BABAM2: variants seen among roughly 807,000 people sequenced by gnomAD.
BABAM2 encodes the protein BRISC and BRCA1-A complex member 2.
In BABAM2, 31 loss-of-function variants were observed where a neutral mutation model predicts 54.7. The ratio of observed to expected loss-of-function variants is 0.57; its 90% CI spans 0.43 to 0.77. The LOEUF (loss-of-function observed/expected upper bound fraction) is 0.77. Among genes scored for constraint, BABAM2 ranks in the 30% least tolerant of loss-of-function variants. BABAM2 has a pLI of 0.00. For missense variants in BABAM2, 364 were observed against 455.8 expected (o/e 0.80, Z 1.83); for synonymous variants, 167 against 162.9 (o/e 1.03, Z -0.19).
At chr2:28,036,453 C>T (rs1380280759) in intron 5 of BABAM2, among the ~76,000 whole-genome samples, 1 of 152,150 alleles carries the variant, frequency 6.6e-6, no homozygotes, top group Non-Finnish European at 1.5e-5. Context: ...ATCAGGGAGG[C>T]TTAACCTAAG....
intron 6 of BABAM2, among the ~76,000 whole-genome samples, chr2:28,067,243 G>A (rs550282314): frequency 2.0e-5 from 3 of 152,158 alleles, no homozygotes; most frequent in Admixed American, 6.5e-5. Flanking sequence ...TTGTGGACAT[G>A]TTTTAAAACC....
Position 28,322,479 on chromosome 2 carries a change from C to T in BABAM2, c.1089-15971C>T, listed in dbSNP as rs563886328. Among the ~76,000 whole-genome samples, 7 of 152,354 alleles carry T rather than the reference C, an allele frequency of 4.6e-5. No homozygotes were observed. Among genetic ancestry groups the T allele is most frequent in the African/African-American group, 7.2e-5 (3 of 41,590 alleles). On this transcript the variant is annotated intron_variant, in intron 11 of 11. Coordinates refer to ENST00000379624, the MANE Select transcript of BABAM2 (RefSeq NM_199191.3). The surrounding 1 kb of genome is among the most constrained non-coding windows in gnomAD (Gnocchi z 4.1). ...CTCTTAGAGGCGCCTTTGAGCAACG[C>T]GCTCTCAAGGTGTTCCAGCAGGGTG...
intron 7 of BABAM2, among the ~76,000 whole-genome samples, chr2:28,146,788 C>A (rs1159130919): frequency 6.6e-6 from 1 of 152,088 alleles, no homozygotes; most frequent in African/African-American, 2.4e-5. Context: ...ATTTTAATCT[C>A]TAGAACTCTC....
chr2:28,239,741 C>T (rs914867986), intron 8 of BABAM2, among the ~76,000 whole-genome samples: 1 of 152,156 alleles, frequency 6.6e-6, no homozygotes, highest in Admixed American at 6.5e-5. Context: ...ATTCAAAAAT[C>T]ATCATTTTGC....
chr2:28,306,994 C>CGTTTTTTTTTTTTTTT (rs1558517386), intron 11 of BABAM2, among the ~76,000 whole-genome samples: 1 of 73,100 alleles, frequency 1.4e-5, no homozygotes. Flanking sequence ...CCACACCTGG[C>CGTTTTTTTTTTTTTTT]CTTTTTTTTT....
intron 7 of BABAM2, among the ~76,000 whole-genome samples, chr2:28,167,654 A>G (rs1016559406): frequency 1.3e-5 from 2 of 151,692 alleles, no homozygotes; most frequent in African/African-American, 4.8e-5. Flanking sequence ...AGATCACGCC[A>G]CTACACTCCA....
chr2:28,098,473 CTT>C (rs1440367567), intron 6 of BABAM2, among the ~76,000 whole-genome samples: 5 of 152,186 alleles, frequency 3.3e-5, no homozygotes, highest in African/African-American at 1.2e-4. Flanking sequence ...AACTTTATAA[CTT>C]GATGATATAG....
At chr2:28,257,298 C>A (rs997847823) in intron 10 of BABAM2, among the ~76,000 whole-genome samples, 1 of 152,166 alleles carries the variant, frequency 6.6e-6, no homozygotes, top group Admixed American at 6.5e-5. Context: ...ACCATCAAGA[C>A]AAACAACATT....
Position 28,067,124 on chromosome 2 carries a change from G to A in BABAM2, c.570+21325G>A, listed in dbSNP as rs559115875. On this transcript the variant is annotated intron_variant, in intron 6 of 11. Transcript: ENST00000379624. The stretch of plus-strand genomic sequence containing the variant: ...TTTTTGTATTTTTAGTAGAGATGGC[G>A]TTTCACCATGTTGGCCAGGCTGGTC... Among the ~76,000 whole-genome samples, 7 of 152,176 alleles carry A rather than the reference G, an allele frequency of 4.6e-5. No individual in the cohort carries two copies. In the East Asian group the frequency reaches 1.2e-3, roughly 25 times the overall value.
At chr2:28,026,823 T>G (rs1174105820) in intron 5 of BABAM2, among the ~76,000 whole-genome samples, 138 of 70,532 alleles carry the variant, frequency 2.0e-3, no homozygotes, top group African/African-American at 9.6e-3. Context: ...AATATATATT[T>G]ATATATATAA....
chr2:28,235,794 A>G (rs1006536634), intron 7 of BABAM2, among the ~76,000 whole-genome samples: 2 of 152,054 alleles, frequency 1.3e-5, no homozygotes, highest in African/African-American at 4.8e-5. Flanking sequence ...AGCTAAGGCT[A>G]CAGGTGTGCA....
At chr2:27,953,461 G>C (rs935910795) in intron 3 of BABAM2, among the ~76,000 whole-genome samples, 3 of 151,930 alleles carry the variant, frequency 2.0e-5, no homozygotes, top group African/African-American at 7.3e-5. Context: ...GGGATTACAG[G>C]CATGAACCAC....
chr2:28,046,879 C>T (rs1677622149), intron 6 of BABAM2, among the ~76,000 whole-genome samples: 1 of 151,594 alleles, frequency 6.6e-6, no homozygotes, highest in African/African-American at 2.4e-5. Flanking sequence ...AGTGATCCTC[C>T]CACCTCAGCT....
chr2:28,299,462 C>A (rs1018917312), intron 11 of BABAM2, among the ~76,000 whole-genome samples: 28 of 152,272 alleles, frequency 1.8e-4, no homozygotes, highest in African/African-American at 6.5e-4. Context: ...GTGGTTATAA[C>A]TTTATCGCTT....
intron 10 of BABAM2, among the ~76,000 whole-genome samples, chr2:28,259,074 CTTTTTTTTTT>C (rs70956009): frequency 2.6e-3 from 61 of 23,420 alleles, no homozygotes; most frequent in African/African-American, 9.7e-3. Flanking sequence ...TGCACCTGGC[CTTTTTTTTTT>C]TTTTTTTTTT....
intron 10 of BABAM2, among the ~76,000 whole-genome samples, chr2:28,275,553 A>G (rs1401462746): frequency 1.3e-5 from 2 of 152,208 alleles, no homozygotes; most frequent in African/African-American, 4.8e-5. Context: ...CTACACAGTA[A>G]ACGGGTGGAG....
intron 7 of BABAM2, among the ~76,000 whole-genome samples, chr2:28,151,171 T>C (rs1370554886): frequency 6.6e-6 from 1 of 152,274 alleles, no homozygotes; most frequent in Non-Finnish European, 1.5e-5. Flanking sequence ...TCTCAGATAC[T>C]ATACCTGCAG....
chr2:28,170,387 T>C (rs955288135), intron 7 of BABAM2, among the ~76,000 whole-genome samples: 1 of 152,070 alleles, frequency 6.6e-6, no homozygotes, highest in Non-Finnish European at 1.5e-5. Context: ...TCTACTAATT[T>C]CTATTTAGAA....
At chr2:27,972,902 G>T (rs926103528) in intron 3 of BABAM2, among the ~76,000 whole-genome samples, 1 of 151,608 alleles carries the variant, frequency 6.6e-6, no homozygotes, top group Admixed American at 6.6e-5. Flanking sequence ...GAGTAGCTGG[G>T]ACTACAGGCG....
Sources: gnomAD v4.1 joint callset for allele counts (sites outside exome capture counted in the v4.1 genomes callset) on GRCh38, gnomAD v4.1.1 for gene constraint, Gnocchi (gnomAD v3.1) non-coding constraint, MANE v1.5 for transcripts, NCBI Gene and HGNC (gene_info 2026-07-23, HGNC 2026-07-21) for gene names.